Variants in MAPK8IP3 observed in about 807,000 individuals in gnomAD.
The protein encoded by MAPK8IP3 is mitogen-activated protein kinase 8 interacting protein 3, also known as C-Jun-amino-terminal kinase-interacting protein 3.
MAPK8IP3 carries 49 observed loss-of-function variants against 157.8 expected under a neutral mutation model. The ratio of observed to expected loss-of-function variants is 0.31; its 90% CI spans 0.25 to 0.39. MAPK8IP3 has a LOEUF of 0.39. Among genes scored for constraint, MAPK8IP3 ranks in the 10% least tolerant of loss-of-function variants. MAPK8IP3 has a pLI of 1.00. For synonymous variants in MAPK8IP3, 897 were observed against 777.7 expected (o/e 1.15, Z -2.55); for missense variants, 1,478 against 1,889.4 (o/e 0.78, Z 4.04).
At chr16:1,735,265 C>T (rs1409482039) in intron 4 of MAPK8IP3, among the ~76,000 whole-genome samples, 1 of 150,892 alleles carries the variant, frequency 6.6e-6, no homozygotes, top group Non-Finnish European at 1.5e-5. Context: ...TCCGTGTGAG[C>T]ATGTGACCGT....
chr16:1,746,237 C>T (rs952439688), intron 5 of MAPK8IP3: 1 of 152,296 alleles, frequency 6.6e-6, no homozygotes, highest in African/African-American at 2.4e-5. Flanking sequence ...GGCTCTTTTT[C>T]TCCAGCTGGT....
chr16:1,723,490 C>T lies in MAPK8IP3; in HGVS notation c.319-1067C>T, dbSNP rs528669953. ...TTAAAATTAGCCAGGCATGGTGACACATGCCTGTAGTCCCAGCTGCTCAGG... is the reference window on the plus strand; with the variant it reads ...TTAAAATTAGCCAGGCATGGTGACATATGCCTGTAGTCCCAGCTGCTCAGG... On this transcript the variant is annotated intron_variant, in intron 1 of 31. Coordinates refer to ENST00000610761, the MANE Select transcript of MAPK8IP3 (RefSeq NM_001318852.2). Among the ~76,000 whole-genome samples the T allele has an allele frequency of 3.3e-5, 5 of 152,222 alleles. No individual in the cohort carries two copies. In the East Asian group the frequency reaches 5.8e-4, roughly 18 times the overall value.
chr16:1,714,867 G>C (rs2038041944), intron 1 of MAPK8IP3, among the ~76,000 whole-genome samples: 1 of 152,130 alleles, frequency 6.6e-6, no homozygotes, highest in Non-Finnish European at 1.5e-5. Flanking sequence ...GGAAGTTTCA[G>C]AAGCCAATGT....
intron 17 of MAPK8IP3, 152 bp from the exon 18 acceptor site, chr16:1,763,963 G>C: frequency 9.4e-7 from 1 of 1,067,054 alleles, no homozygotes; most frequent in South Asian, 1.7e-5. Flanking sequence ...TGGAGGGTCG[G>C]AGAAGGAGCC....
chr16:1,761,880 C>T (rs974897744), intron 13 of MAPK8IP3, among the ~76,000 whole-genome samples: 3 of 152,170 alleles, frequency 2.0e-5, no homozygotes, highest in African/African-American at 7.2e-5. Flanking sequence ...CATGGGGATG[C>T]GGGGTGCCTC....
chr16:1,740,071 C>CGT (rs147521986), intron 4 of MAPK8IP3, among the ~76,000 whole-genome samples: 14,804 of 65,608 alleles, frequency 0.23, 2,327 homozygotes, highest in East Asian at 0.45. Context: ...TCCGTGTGAG[C>CGT]GTGAGCATCC....
At chr16:1,767,971 G>C (rs756468863) in intron 28 of MAPK8IP3, 53 bp downstream of exon 28, 2 of 1,607,218 alleles carry the variant, frequency 1.2e-6, no homozygotes, top group Non-Finnish European at 1.7e-6. Flanking sequence ...GGTGTACGTG[G>C]GTTCACGGGG....
At chr16:1,764,499 A>G in intron 19 of MAPK8IP3, 40 bp downstream of exon 19, 1 of 1,596,904 alleles carries the variant, frequency 6.3e-7, no homozygotes, top group Non-Finnish European at 8.5e-7. Context: ...TCCCTGGCTT[A>G]GTCTCAGGAC....
In MAPK8IP3 at chr16:1,767,865, G is replaced by A. The variant is rs540308510; in HGVS notation, c.3470G>A (p.Arg1157Gln). 2 of 1,611,240 alleles carry A rather than the reference G, an allele frequency of 1.2e-6. No homozygotes were observed. Among genetic ancestry groups the A allele is most frequent in the South Asian group, 1.1e-5 (1 of 91,084 alleles). ...ACGGCCCTGCTTGTCGCGGGCAGCC[G>A]GCTCTGGGTGGGCACCGGCAACGGA... ...RITALLVAGS[R>Q]LWVGTGNGVV... Residue 1157 changes from arginine to glutamine, a missense_variant, in exon 28 of 32, where the codon CGG becomes CAG. Arg to Gln is a conservative substitution (Grantham distance 43). Transcript: ENST00000610761.
intron 4 of MAPK8IP3, among the ~76,000 whole-genome samples, chr16:1,739,231 C>CGTGTGT (rs2040413915): frequency 9.5e-6 from 1 of 104,722 alleles, no homozygotes; most frequent in Non-Finnish European, 1.9e-5. Flanking sequence ...TGTGACCGTC[C>CGTGTGT]GTGAGAGTGT....
In MAPK8IP3 at chr16:1,763,596, TGGGGCA is replaced by T. The variant is rs1479826127; in HGVS notation, c.1899-60_1899-55del. ...GCCGTGACCTCCCCCAGGACAAGCC[TGGGGCA>T]CTGTGGGGGCCGCTCACCCTGGACA... On this transcript the variant is annotated intron_variant, in intron 16 of 31. Coordinates refer to ENST00000610761, the MANE Select transcript of MAPK8IP3 (RefSeq NM_001318852.2). 162 of 1,437,352 alleles carry T rather than the reference TGGGGCA, an allele frequency of 1.1e-4. No individual in the cohort carries two copies. In the African/African-American group the frequency reaches 2.0e-3, roughly 18 times the overall value. 89.0% of individuals were successfully genotyped at this position (1,437,352 alleles called of 1,614,324 possible).
rs368434507 is a variant in MAPK8IP3, at chr16:1,761,309, C to T, written c.1539+4C>T. Reference sequence around the variant, plus strand: ...CAGCTATCTCTGTACAGAATCGGTACATCCACTCTTCACTCTTCACATGCG... The same window carrying T: ...CAGCTATCTCTGTACAGAATCGGTATATCCACTCTTCACTCTTCACATGCG... On this transcript the variant is annotated splice_donor_region_variant and intron_variant, in intron 13 of 31. Coordinates refer to ENST00000610761, the MANE Select transcript of MAPK8IP3 (RefSeq NM_001318852.2). The T allele has an allele frequency of 4.3e-6, 7 of 1,612,560 alleles. No homozygotes were observed. The highest frequency in any genetic ancestry group is 2.7e-5 in the African/African-American group (2 of 75,048).
At position 1,747,312 on chromosome 16, in the gene MAPK8IP3, G is replaced by A. The variant is rs777852838; in HGVS notation, c.994+37G>A. 3.7e-6 allele frequency: 6 copies of A among 1,601,888 alleles called. No homozygotes were observed. In the African/African-American group the frequency reaches 8.0e-5, roughly 21 times the overall value. ...CCTCCGGGACTCTGGGCTCCCTCGG[G>A]CAGGAGGCAGGGCTTGGTTTGGGTA... On this transcript the variant is annotated intron_variant, in intron 6 of 31. Transcript: ENST00000610761.
chr16:1,730,044 C>CAAA lies in MAPK8IP3; in HGVS notation c.602+493_602+495dup, dbSNP rs58933347. ...GGCAACCAGCAAGATCTTGTCTCTA[C>CAAA]AAAAAAAAAAAAAAAAAAAAAAAAA... On this transcript the variant is annotated intron_variant, in intron 4 of 31. Coordinates refer to ENST00000610761, the MANE Select transcript of MAPK8IP3 (RefSeq NM_001318852.2). Among the ~76,000 whole-genome samples, 194 of 46,922 alleles carry CAAA rather than the reference C, an allele frequency of 4.1e-3. 10 individuals carry two copies. Among genetic ancestry groups the CAAA allele is most frequent in the East Asian group, 7.7e-3 (10 of 1,294 alleles). The allele number at this position is 46,922 out of a possible 152,430, so 30.8% of individuals were successfully genotyped here. A position where few individuals can be genotyped will look rare whatever the true frequency, so the allele number is the denominator to read the frequency against.
chr16:1,765,299 C>A, intron 20 of MAPK8IP3, 121 bp downstream of exon 20: 2 of 1,221,452 alleles, frequency 1.6e-6, no homozygotes, highest in Non-Finnish European at 2.2e-6. Context: ...GGGAATGTGG[C>A]AGTGGACGGT....
chr16:1,749,789 G>A (rs1450180146), intron 8 of MAPK8IP3, among the ~76,000 whole-genome samples: 2 of 152,242 alleles, frequency 1.3e-5, no homozygotes, highest in South Asian at 2.1e-4. Flanking sequence ...TGAGCTGATT[G>A]TCTTATCTGG....
At chr16:1,719,480 A>T (rs2038372445) in intron 1 of MAPK8IP3, among the ~76,000 whole-genome samples, 1 of 152,172 alleles carries the variant, frequency 6.6e-6, no homozygotes, top group African/African-American at 2.4e-5. Context: ...GATATTAGAT[A>T]CTAGAAAGTA....
At chr16:1,729,061 C>T in intron 2 of MAPK8IP3, 77 bp from the exon 3 acceptor site, 1 of 1,404,552 alleles carries the variant, frequency 7.1e-7, no homozygotes, top group Non-Finnish European at 1.0e-6. Context: ...AACCCCCTCC[C>T]TCTGTGGTTA....
At chr16:1,737,460 A>C (rs1441746615) in intron 4 of MAPK8IP3, among the ~76,000 whole-genome samples, 4 of 64,998 alleles carry the variant, frequency 6.2e-5, no homozygotes, top group Middle Eastern at 0.016. Context: ...GAGTGTGACC[A>C]CCCATGTGAG....
Sources: allele counts gnomAD v4.1 joint callset (sites outside exome capture counted in the v4.1 genomes callset), GRCh38; gene constraint gnomAD v4.1.1; transcripts MANE v1.5; gene names NCBI Gene and HGNC (gene_info 2026-07-23, HGNC 2026-07-21).